The following GALNT13 variants were observed in gnomAD, a reference collection of about 807,000 sequenced individuals.
GALNT13 encodes polypeptide N-acetylgalactosaminyltransferase 13.
A neutral mutation model predicts 64.2 loss-of-function variants in GALNT13; 28 were observed. The ratio of observed to expected loss-of-function variants is 0.44; its 90% CI spans 0.32 to 0.60. GALNT13 has a LOEUF of 0.60. Ranked by LOEUF, GALNT13 falls within the 20% of genes least tolerant of loss-of-function variation. GALNT13 has a pLI of 0.05. For synonymous variants in GALNT13, 214 were observed against 224.6 expected (o/e 0.95, Z 0.42); for missense variants, 577 against 669.8 (o/e 0.86, Z 1.53).
Position 154,130,734 on chromosome 2 carries a change from T to C in GALNT13, c.143-9603T>C, listed in dbSNP as rs577507943. ...ACTTCCTAACTAGATGCATAGTCAA[T>C]GAATGCAGTACTCTTTTCTTTATGA... On this transcript the variant is annotated intron_variant, in intron 3 of 12. Coordinates refer to ENST00000392825, the MANE Select transcript of GALNT13 (RefSeq NM_052917.4). Among the ~76,000 whole-genome samples, 5 of 152,314 alleles carry C rather than the reference T, an allele frequency of 3.3e-5. No homozygotes were observed. The South Asian group carries it at 8.3e-4, about 25-fold the overall frequency.
chr2:153,743,318 T>C, the GALNT13 span, among the ~76,000 whole-genome samples: 5 of 152,216 alleles, frequency 3.3e-5, 1 homozygote, highest in Non-Finnish European at 4.4e-5. Context: ...CAAGGTTGAT[T>C]TGATAACTTG....
chr2:154,043,606 C>T (rs900031300), intron 3 of GALNT13, among the ~76,000 whole-genome samples: 9 of 151,506 alleles, frequency 5.9e-5, no homozygotes, highest in African/African-American at 2.2e-4. Context: ...AACAAGTTTA[C>T]AGTATAATCA....
Position 153,875,840 on chromosome 2 carries a change from A to T in GALNT13, c.-177+3537A>T, listed in dbSNP as rs1440892322. On this transcript the variant is annotated intron_variant, in intron 1 of 12. Transcript: ENST00000392825. ...TTAAAAATGGACACTTCATATAGTT[A>T]TGACCTTTAACTAATTTGCCTTATT... is the stretch of plus-strand genomic sequence containing the variant. Among the ~76,000 whole-genome samples the T allele has an allele frequency of 6.6e-5, 10 of 152,328 alleles. No individual in the cohort carries two copies. The East Asian group carries it at 1.9e-3, about 29-fold the overall frequency.
At chr2:153,469,941 A>G in the GALNT13 span, among the ~76,000 whole-genome samples, 4 of 152,138 alleles carry the variant, frequency 2.6e-5, no homozygotes, top group African/African-American at 9.7e-5. Context: ...TACCTGCCCC[A>G]GAAATTCAGA....
chr2:153,726,364 G>C, the GALNT13 span, among the ~76,000 whole-genome samples: 32 of 151,664 alleles, frequency 2.1e-4, no homozygotes, highest in Admixed American at 1.8e-3. Context: ...TTTTTCATGT[G>C]GAATCAGTAC....
At chr2:153,262,208 G>C in the GALNT13 span, among the ~76,000 whole-genome samples, 1 of 152,094 alleles carries the variant, frequency 6.6e-6, no homozygotes, top group Non-Finnish European at 1.5e-5. Context: ...GTCTCACTCA[G>C]GGCCCACAGT....
the GALNT13 span, among the ~76,000 whole-genome samples, chr2:153,380,673 T>C: frequency 6.6e-6 from 1 of 152,114 alleles, no homozygotes. Flanking sequence ...AAGTATATTA[T>C]GACCAAATTT....
chr2:154,339,609 T>G, intron 9 of GALNT13, among the ~76,000 whole-genome samples: 1 of 152,150 alleles, frequency 6.6e-6, no homozygotes, highest in East Asian at 1.9e-4. Context: ...GCATTTGCTG[T>G]GAAGTTTTAC....
chr2:154,426,067 T>C (rs1269419487), intron 11 of GALNT13, among the ~76,000 whole-genome samples: 2 of 152,190 alleles, frequency 1.3e-5, no homozygotes, highest in South Asian at 2.1e-4. Context: ...GGTTCTCTGC[T>C]CAGGGTCTCA....
the GALNT13 span, among the ~76,000 whole-genome samples, chr2:153,296,430 A>G: frequency 1.3e-3 from 201 of 152,312 alleles, 6 homozygotes; most frequent in East Asian, 0.036. Context: ...TATTTGTTTC[A>G]GAAAATCCAA....
the GALNT13 span, among the ~76,000 whole-genome samples, chr2:153,286,826 G>A: frequency 6.6e-6 from 1 of 152,090 alleles, no homozygotes; most frequent in Non-Finnish European, 1.5e-5. Context: ...AAATAATCTT[G>A]AGTGGGAAAA....
At chr2:154,380,812 C>T (rs1286771048) in intron 9 of GALNT13, among the ~76,000 whole-genome samples, 2 of 152,032 alleles carry the variant, frequency 1.3e-5, no homozygotes, top group South Asian at 2.1e-4. Context: ...GGGCTGCAAT[C>T]TCATCTCATG....
At chr2:154,045,743 AAAAC>A (rs373379351) in intron 3 of GALNT13, among the ~76,000 whole-genome samples, 32 of 152,316 alleles carry the variant, frequency 2.1e-4, no homozygotes, top group African/African-American at 7.2e-4. Context: ...AGTTTAAGAA[AAAAC>A]AAACAAACCC....
chr2:153,301,319 G>GA, the GALNT13 span, among the ~76,000 whole-genome samples: 241 of 77,920 alleles, frequency 3.1e-3, 4 homozygotes, highest in East Asian at 0.04. Context: ...CAAAAAAAAA[G>GA]AAAAAAAAAA....
the GALNT13 span, among the ~76,000 whole-genome samples, chr2:153,748,942 T>C: frequency 1.3e-5 from 2 of 152,194 alleles, no homozygotes; most frequent in South Asian, 4.1e-4. Flanking sequence ...GGTTTTCTTG[T>C]AGTAGTTTCA....
At chr2:153,986,726 A>G (rs1294790445) in intron 3 of GALNT13, among the ~76,000 whole-genome samples, 1 of 151,876 alleles carries the variant, frequency 6.6e-6, no homozygotes, top group Non-Finnish European at 1.5e-5. Flanking sequence ...AAGGGCTCAG[A>G]ATGCCTACGG....
At chr2:153,837,865 T>C in the GALNT13 span, among the ~76,000 whole-genome samples, 2 of 152,056 alleles carry the variant, frequency 1.3e-5, no homozygotes, top group Admixed American at 6.6e-5. Flanking sequence ...ATAATGGCTA[T>C]ACCAATTTAT....
At chr2:153,417,334 C>G in the GALNT13 span, among the ~76,000 whole-genome samples, 1 of 152,144 alleles carries the variant, frequency 6.6e-6, no homozygotes, top group Non-Finnish European at 1.5e-5. Context: ...AGTCAATTTT[C>G]TTGGTTTTCT....
chr2:153,492,270 G>A, the GALNT13 span, among the ~76,000 whole-genome samples: 1 of 152,200 alleles, frequency 6.6e-6, no homozygotes, highest in African/African-American at 2.4e-5. Context: ...AAGTATGAGT[G>A]AGTAAGGACA....
Sources: allele counts gnomAD v4.1 joint callset (sites outside exome capture counted in the v4.1 genomes callset), GRCh38; gene constraint gnomAD v4.1.1; transcripts MANE v1.5; gene names NCBI Gene and HGNC (gene_info 2026-07-23, HGNC 2026-07-21).